Variants in AZIN1 observed in about 807,000 individuals in gnomAD.
The protein encoded by AZIN1 is antizyme inhibitor 1, also known as ornithine decarboxylase antizyme inhibitor.
In AZIN1, 12 loss-of-function variants were observed where a neutral mutation model predicts 47.4. That is an observed-to-expected ratio of 0.25 (90% CI 0.16 to 0.41). The LOEUF (loss-of-function observed/expected upper bound fraction) is 0.41, where lower values mean the gene tolerates loss of function less well. Ranked by LOEUF, AZIN1 falls within the 10% of genes least tolerant of loss-of-function variation. The pLI, the probability that AZIN1 is intolerant of heterozygous loss-of-function variation, is 1.00. For synonymous variants in AZIN1, 155 were observed against 176.3 expected (o/e 0.88, Z 0.96); for missense variants, 410 against 532.4 (o/e 0.77, Z 2.26).
Position 102,834,759 on chromosome 8 carries a change from A to G in AZIN1, c.585-12T>C, listed in dbSNP as rs755304216. The G allele has an allele frequency of 6.3e-7, 1 of 1,588,582 alleles. No homozygotes were observed. Among genetic ancestry groups the G allele is most frequent in the South Asian group, 1.1e-5 (1 of 89,024 alleles). ...TCGAAACATGAAATCTGAAACACAT[A>G]GAATACTAAATTTAAAGGAGCAGAA... On this transcript the variant is annotated splice_polypyrimidine_tract_variant and intron_variant, in intron 6 of 11. Transcript: ENST00000337198.
intron 6 of AZIN1, among the ~76,000 whole-genome samples, chr8:102,835,870 C>G (rs962333184): frequency 1.9e-4 from 29 of 152,024 alleles, no homozygotes; most frequent in Non-Finnish European, 1.8e-4. Flanking sequence ...AAAGCAAAGT[C>G]TAATTTATTG....
At chr8:102,841,707 G>A (rs1271886097) in intron 3 of AZIN1, among the ~76,000 whole-genome samples, 7 of 150,722 alleles carry the variant, frequency 4.6e-5, no homozygotes, top group East Asian at 2.0e-4. Context: ...ACTGAACACC[G>A]GTAACATGAA....
intron 5 of AZIN1, among the ~76,000 whole-genome samples, chr8:102,837,570 G>A (rs1811903454): frequency 6.6e-6 from 1 of 152,194 alleles, no homozygotes. Flanking sequence ...TCAAGAAGAT[G>A]CCAGTCCACA....
intron 6 of AZIN1, 80 bp downstream of exon 6, chr8:102,836,174 TAA>T (rs1811811254): frequency 1.1e-5 from 15 of 1,406,606 alleles, no homozygotes; most frequent in Admixed American, 2.2e-5. Flanking sequence ...TTCATGCAAA[TAA>T]AGTCTTAAAT....
intron 11 of AZIN1, among the ~76,000 whole-genome samples, chr8:102,829,011 TAA>T (rs1554578663): frequency 6.6e-6 from 1 of 152,218 alleles, no homozygotes; most frequent in Non-Finnish European, 1.5e-5. Context: ...CCAACAGTAT[TAA>T]ACAGAGTAAC....
chr8:102,833,283 A>T, intron 8 of AZIN1, 65 bp from the exon 9 acceptor site: 3 of 1,461,036 alleles, frequency 2.1e-6, no homozygotes, highest in Non-Finnish European at 9.3e-7. Flanking sequence ...ATATTCAGAG[A>T]TTGATATTAA....
Position 102,828,696 on chromosome 8 carries a change from C to G in AZIN1, c.1236-18G>C. ...TCTCATACCTACGTAGAAAAAAAAT[C>G]AGCTAAATTCTCAGTTTAAGCCCAA... On this transcript the variant is annotated intron_variant, in intron 11 of 11. Coordinates refer to ENST00000337198, the MANE Select transcript of AZIN1 (RefSeq NM_148174.4). 1.3e-6 allele frequency: 2 copies of G among 1,545,768 alleles called. No individual in the cohort carries two copies. The highest frequency in any genetic ancestry group is 1.8e-6 in the Non-Finnish European group (2 of 1,124,316).
At chr8:102,835,141 T>C (rs768711762) in intron 6 of AZIN1, 4 of 159,240 alleles carry the variant, frequency 2.5e-5, no homozygotes, top group Admixed American at 1.2e-4. Flanking sequence ...CCCAACCAAA[T>C]ACAAAAATGT....
At chr8:102,839,044 T>G (rs1044871037) in intron 4 of AZIN1, 128 bp from the exon 5 acceptor site, 5 of 797,330 alleles carry the variant, frequency 6.3e-6, no homozygotes, top group Non-Finnish European at 9.6e-6. Flanking sequence ...CAGGCTGAAG[T>G]GCAATAGCAC....
intron 9 of AZIN1, among the ~76,000 whole-genome samples, chr8:102,831,883 A>C (rs72686912): frequency 0.031 from 4,761 of 152,228 alleles, 114 homozygotes; most frequent in Non-Finnish European, 0.046. Context: ...TTAAGCCGGG[A>C]GGTGGAGACT....
intron 4 of AZIN1, 151 bp from the exon 5 acceptor site, chr8:102,839,067 A>G (rs1353400452): frequency 5.9e-6 from 4 of 679,466 alleles, no homozygotes; most frequent in African/African-American, 1.8e-5. Context: ...TCATAGCTCA[A>G]TGCAGCCTCC....
intron 1 of AZIN1, among the ~76,000 whole-genome samples, chr8:102,859,647 C>CAA (rs1209188440): frequency 1.3e-5 from 2 of 152,182 alleles, no homozygotes; most frequent in Non-Finnish European, 2.9e-5. Flanking sequence ...TCAGTCTGGT[C>CAA]AACACAGTGA....
chr8:102,852,745 TA>T (rs1812995253), intron 2 of AZIN1, among the ~76,000 whole-genome samples: 1 of 152,120 alleles, frequency 6.6e-6, no homozygotes, highest in Admixed American at 6.5e-5. Context: ...ATGCATAATG[TA>T]AAAAACAGTG....
At chr8:102,839,104 C>A (rs979094182) in intron 4 of AZIN1, among the ~76,000 whole-genome samples, 188 bp from the exon 5 acceptor site, 15 of 152,224 alleles carry the variant, frequency 9.9e-5, no homozygotes, top group African/African-American at 2.9e-4. Flanking sequence ...AAGTGATCCT[C>A]CTGCCTCAGC....
chr8:102,861,775 G>C (rs1586216527), intron 1 of AZIN1, among the ~76,000 whole-genome samples: 2 of 152,064 alleles, frequency 1.3e-5, no homozygotes, highest in South Asian at 4.1e-4. Flanking sequence ...GGGCGCAGTG[G>C]CTCACGCTTG....
intron 2 of AZIN1, among the ~76,000 whole-genome samples, chr8:102,848,879 G>A (rs796783128): frequency 3.9e-5 from 6 of 152,208 alleles, no homozygotes; most frequent in African/African-American, 1.4e-4. Flanking sequence ...AAGTTAATTG[G>A]CGACAATATG....
At chr8:102,851,838 T>C (rs1812936970) in intron 2 of AZIN1, among the ~76,000 whole-genome samples, 1 of 152,190 alleles carries the variant, frequency 6.6e-6, no homozygotes, top group South Asian at 2.1e-4. Flanking sequence ...CCTAAAACAG[T>C]GTTGGGCAAT....
chr8:102,834,780 C>T, intron 6 of AZIN1, 33 bp from the exon 7 acceptor site: 1 of 1,502,312 alleles, frequency 6.7e-7, no homozygotes, highest in Non-Finnish European at 9.2e-7. Context: ...TTTAAAGGAG[C>T]AGAAAGTTGT....
intron 4 of AZIN1, among the ~76,000 whole-genome samples, chr8:102,839,142 G>A (rs896676632): frequency 2.2e-4 from 34 of 152,246 alleles, no homozygotes; most frequent in African/African-American, 7.5e-4. Flanking sequence ...GTACAGGTAT[G>A]AGTCACTGTG....
Sources: allele counts gnomAD v4.1 joint callset (sites outside exome capture counted in the v4.1 genomes callset), GRCh38; gene constraint gnomAD v4.1.1; transcripts MANE v1.5; gene names NCBI Gene and HGNC (gene_info 2026-07-23, HGNC 2026-07-21).